The following POC1B variants were observed in gnomAD, a reference collection of about 807,000 sequenced individuals.
POC1B encodes POC1 centriolar protein homolog B.
Under a neutral mutation model 60.6 loss-of-function variants are expected in POC1B, and 44 were observed. The ratio of observed to expected loss-of-function variants is 0.73; its 90% CI spans 0.57 to 0.93. POC1B has a LOEUF of 0.93. Ranked by LOEUF, POC1B falls within the 40% of genes least tolerant of loss-of-function variation. POC1B has a pLI of 0.00. For synonymous variants in POC1B, 180 were observed against 198.9 expected, an observed-to-expected ratio of 0.90 and a Z score of 0.80; for missense variants, 555 against 572.3, an observed-to-expected ratio of 0.97 and a Z score of 0.31.
chr12:89,468,921 A>G (rs957092057), intron 7 of POC1B, among the ~76,000 whole-genome samples: 5 of 152,142 alleles, frequency 3.3e-5, no homozygotes, highest in Non-Finnish European at 7.4e-5. Flanking sequence ...TAAAAAATTC[A>G]GAGAAGTTTG....
At chr12:89,525,308 A>C in intron 1 of POC1B, 104 bp from the exon 2 acceptor site, 1 of 1,467,338 alleles carries the variant, frequency 6.8e-7, no homozygotes, top group Non-Finnish European at 9.0e-7. Flanking sequence ...GGGAATGGCC[A>C]CCCAGGCGGC....
chr12:89,459,631 G>A lies in POC1B; in HGVS notation c.1113+7C>T, dbSNP rs4842658. ...GTGTCAAAAAAAAAAAAAAAAACCC[G>A]ACTTACTGTGGTAGAATCAAAAGAA... On this transcript the variant is annotated splice_region_variant and intron_variant, in intron 10 of 11. Coordinates refer to ENST00000313546, the MANE Select transcript of POC1B (RefSeq NM_172240.3). The A allele has an allele frequency of 0.75, 991,405 of 1,313,980 alleles. 375,849 individuals are homozygous for A. Among genetic ancestry groups the A allele is most frequent in the Middle Eastern group, 0.83 (4,152 of 5,002 alleles). 81.4% of individuals were successfully genotyped at this position (1,313,980 alleles called of 1,614,324 possible). A position where few individuals can be genotyped will look rare whatever the true frequency, so the allele number is the denominator to read the frequency against.
In POC1B at chr12:89,491,945, C is replaced by A. The variant is rs774587323; in HGVS notation, c.443G>T (p.Arg148Leu). 9.8e-6 allele frequency: 15 copies of A among 1,538,260 alleles called. No individual in the cohort carries two copies. The highest frequency in any genetic ancestry group is 1.4e-5 in the African/African-American group (1 of 71,898). Residue 148 changes from arginine (R) to leucine (L), a missense_variant, in exon 4 of 12, where the codon CGC becomes CTC. Physicochemically the swap from Arg to Leu is moderately radical, Grantham distance 102 (BLOSUM62 -2). Coordinates refer to ENST00000313546, the MANE Select transcript of POC1B (RefSeq NM_172240.3). ...YSLYRHTHWV[R>L]CAKFSPDGRL... is the part of the protein sequence containing the mutation. ...AATTTTTTGCACTTACTTGGCACAG[C>A]GTACCCAGTGTGTATGTCGATACAA...
At chr12:89,510,837 G>A (rs1381655148) in intron 2 of POC1B, among the ~76,000 whole-genome samples, 11 of 145,550 alleles carry the variant, frequency 7.6e-5, no homozygotes, top group Admixed American at 4.9e-4. Context: ...AGCTCACTGC[G>A]GCCTCTGCCT....
rs60679774 is a variant in POC1B, at chr12:89,514,402, C to CTTTTTTTTTTTTTTTTTTTTTTT, written c.100+10695_100+10717dup. Among the ~76,000 whole-genome samples the CTTTTTTTTTTTTTTTTTTTTTTT allele has an allele frequency of 4.2e-4, 28 of 67,084 alleles. 3 individuals carry two copies. Among genetic ancestry groups the CTTTTTTTTTTTTTTTTTTTTTTT allele is most frequent in the Non-Finnish European group, 5.7e-4 (22 of 38,362 alleles). The allele number at this position is 67,084 out of a possible 152,430, so 44.0% of individuals were successfully genotyped here. On this transcript the variant is annotated intron_variant, in intron 2 of 11. Coordinates refer to ENST00000313546, the MANE Select transcript of POC1B (RefSeq NM_172240.3). The stretch of plus-strand genomic sequence containing the variant: ...ATAAGTTACTCAGTTTCATGTATTT[C>CTTTTTTTTTTTTTTTTTTTTTTT]TTTTTTTTTTTTTTTTTTTTTTTTT...
intron 2 of POC1B, chr12:89,524,037 G>A (rs757298932): frequency 3.1e-6 from 5 of 1,613,512 alleles, no homozygotes; most frequent in African/African-American, 1.3e-5. Flanking sequence ...CATCCACCAA[G>A]ATGATCTCTT....
Position 89,421,851 on chromosome 12 carries a change from T to C in POC1B, c.1333-594A>G, listed in dbSNP as rs185850647. Among the ~76,000 whole-genome samples, 688 of 152,282 alleles carry C rather than the reference T, an allele frequency of 4.5e-3. 4 individuals are homozygous for C. The highest frequency in any genetic ancestry group is 7.6e-3 in the Non-Finnish European group (517 of 68,022). On this transcript the variant is annotated intron_variant, in intron 11 of 11. Transcript: ENST00000313546. The stretch of plus-strand genomic sequence containing the variant: ...AATGCATGTAAAATGCTTACGCTAG[T>C]GTTGGACACACACGGTTTGAATAAT...
At chr12:89,437,290 C>A (rs1592584918) in intron 10 of POC1B, among the ~76,000 whole-genome samples, 1 of 152,094 alleles carries the variant, frequency 6.6e-6, no homozygotes, top group Non-Finnish European at 1.5e-5. Flanking sequence ...CTTCACTGGT[C>A]CCCCCAATTC....
chr12:89,518,319 C>T (rs1429040774), intron 2 of POC1B, among the ~76,000 whole-genome samples: 1 of 152,100 alleles, frequency 6.6e-6, no homozygotes, highest in Non-Finnish European at 1.5e-5. Context: ...CTGATTCATT[C>T]ATATATATGT....
At chr12:89,522,465 A>C (rs968467595) in intron 2 of POC1B, 12 of 354,242 alleles carry the variant, frequency 3.4e-5, no homozygotes, top group African/African-American at 2.5e-4. Context: ...ACATCAACAT[A>C]AATCATACCT....
At chr12:89,407,440 G>A in the POC1B span, among the ~76,000 whole-genome samples, 1 of 151,966 alleles carries the variant, frequency 6.6e-6, no homozygotes, top group Non-Finnish European at 1.5e-5. Context: ...GTTTCACCAT[G>A]TTGGCCAGGC....
At chr12:89,496,224 C>A (rs932256752) in intron 3 of POC1B, among the ~76,000 whole-genome samples, 2 of 152,078 alleles carry the variant, frequency 1.3e-5, no homozygotes, top group Admixed American at 1.3e-4. Flanking sequence ...CCCTCGCATG[C>A]ACAGTTCACA....
chr12:89,517,050 G>A (rs80014075), intron 2 of POC1B, among the ~76,000 whole-genome samples: 13,378 of 152,158 alleles, frequency 0.088, 758 homozygotes, highest in Middle Eastern at 0.16. Flanking sequence ...CACATGTTTT[G>A]GAGGGCCACC....
Position 89,500,504 on chromosome 12 carries a change from A to C in POC1B, c.101-3162T>G, listed in dbSNP as rs1431350812. On this transcript the variant is annotated intron_variant, in intron 2 of 11. Transcript: ENST00000313546. ...TACACCTGACTTGAAAAAAATGTGA[A>C]GTAGAAACATAAATGATCATCACAG... is the stretch of plus-strand genomic sequence containing the variant. 6 of 1,598,110 alleles carry C rather than the reference A, an allele frequency of 3.8e-6. No individual in the cohort carries two copies. The African/African-American group carries it at 8.0e-5, about 21-fold the overall frequency.
the POC1B span, among the ~76,000 whole-genome samples, chr12:89,401,478 AT>A: frequency 1.1e-3 from 151 of 135,856 alleles, no homozygotes; most frequent in African/African-American, 2.1e-3. Flanking sequence ...TGCCTTTTTC[AT>A]TTTTTTTTTT....
chr12:89,469,306 G>C (rs1317916137), intron 7 of POC1B, among the ~76,000 whole-genome samples: 1 of 152,086 alleles, frequency 6.6e-6, no homozygotes, highest in East Asian at 1.9e-4. Flanking sequence ...ATATGCCAGG[G>C]AGGGATCTTT....
the POC1B span, among the ~76,000 whole-genome samples, chr12:89,410,662 G>C: frequency 2.8e-5 from 4 of 141,230 alleles, no homozygotes; most frequent in African/African-American, 5.3e-5. Context: ...CTGGGCAACA[G>C]AGTGAGACTC....
intron 2 of POC1B, among the ~76,000 whole-genome samples, chr12:89,519,123 G>A (rs1006223890): frequency 2.6e-5 from 4 of 152,166 alleles, no homozygotes; most frequent in Non-Finnish European, 5.9e-5. Flanking sequence ...GTGCTAATAT[G>A]TCCAGGTGCC....
chr12:89,517,822 C>T (rs1870524711), intron 2 of POC1B, among the ~76,000 whole-genome samples: 1 of 152,004 alleles, frequency 6.6e-6, no homozygotes, highest in African/African-American at 2.4e-5. Flanking sequence ...GTATGTATAC[C>T]CAGAGCATAA....
Sources: allele counts gnomAD v4.1 joint callset (sites outside exome capture counted in the v4.1 genomes callset), GRCh38; gene constraint gnomAD v4.1.1; transcripts MANE v1.5; gene names NCBI Gene and HGNC (gene_info 2026-07-23, HGNC 2026-07-21).